Variants in CACNA1A observed in about 807,000 individuals in gnomAD.
CACNA1A encodes the protein voltage-dependent P/Q-type calcium channel subunit alpha-1A.
CACNA1A carries 57 observed loss-of-function variants against 262.4 expected under a neutral mutation model. The ratio of observed to expected loss-of-function variants is 0.22; its 90% CI spans 0.18 to 0.27. The LOEUF (loss-of-function observed/expected upper bound fraction) is 0.27. CACNA1A is among the 10% of genes least tolerant of loss of function. The pLI is 1.00. For synonymous variants in CACNA1A, 1,431 were observed against 1,419.3 expected, an observed-to-expected ratio of 1.01 and a Z score of -0.18; for missense variants, 2,526 against 3,562.8, an observed-to-expected ratio of 0.71 and a Z score of 7.41.
chr19:13,301,368 A>T (rs2057785398), intron 17 of CACNA1A, among the ~76,000 whole-genome samples: 1 of 152,110 alleles, frequency 6.6e-6, no homozygotes, highest in Admixed American at 6.6e-5. Context: ...AACTACCCTC[A>T]CACACAGAAG....
At chr19:13,402,916 A>G (rs1353038597) in intron 3 of CACNA1A, among the ~76,000 whole-genome samples, 1 of 124,854 alleles carries the variant, frequency 8.0e-6, no homozygotes, top group African/African-American at 3.0e-5. Flanking sequence ...ATATATATAT[A>G]CTTGCAAGTG....
At chr19:13,227,375 GA>G in intron 37 of CACNA1A, 55 bp downstream of exon 37, 3 of 772,952 alleles carry the variant, frequency 3.9e-6, no homozygotes, top group Non-Finnish European at 6.5e-6. Context: ...AAAAGAAGAA[GA>G]AGAAGAAAAA....
At chr19:13,297,461 G>A (rs1033152402) in intron 19 of CACNA1A, among the ~76,000 whole-genome samples, 13 of 152,108 alleles carry the variant, frequency 8.5e-5, no homozygotes, top group African/African-American at 2.9e-4. Context: ...ATTGCTTGAG[G>A]CCAGGAGTTG....
rs534302645 is a variant in CACNA1A, at chr19:13,373,055, A to G, written c.540-1276T>C. On this transcript the variant is annotated intron_variant, in intron 3 of 46. Transcript: ENST00000360228. ...CGTGGTCAAGGCACAATACAATAAA[A>G]GAGACTGTCATCAGAACTTCATATA... is the stretch of plus-strand genomic sequence containing the variant. Among the ~76,000 whole-genome samples, 11 of 152,376 alleles carry G rather than the reference A, an allele frequency of 7.2e-5. No individual in the cohort carries two copies. The South Asian group carries it at 2.3e-3, about 32-fold the overall frequency.
At chr19:13,408,320 C>T (rs10421150) in intron 3 of CACNA1A, among the ~76,000 whole-genome samples, 136 of 152,120 alleles carry the variant, frequency 8.9e-4, no homozygotes, top group African/African-American at 2.8e-3. Flanking sequence ...CAGTGAGCCA[C>T]GATCTTGCCA....
chr19:13,222,690 C>T (rs1047558600), intron 38 of CACNA1A, among the ~76,000 whole-genome samples: 9 of 151,000 alleles, frequency 6.0e-5, no homozygotes, highest in South Asian at 2.1e-4. Context: ...CCAGCGTGCC[C>T]GGCCTCAGCT....
chr19:13,210,864 C>A, intron 43 of CACNA1A: 1 of 622,124 alleles, frequency 1.6e-6, no homozygotes, highest in South Asian at 1.9e-5. Context: ...CGGGGCTGGG[C>A]GTCCTCTATT....
In CACNA1A at chr19:13,317,052, G is replaced by A. The variant is rs28542738; in HGVS notation, c.1555+60C>T. 6,885 of 1,103,922 alleles carry A rather than the reference G, an allele frequency of 6.2e-3. 287 individuals are homozygous for A. The African/African-American group carries it at 0.092, about 15-fold the overall frequency. 68.4% of individuals were successfully genotyped at this position (1,103,922 alleles called of 1,614,324 possible). On this transcript the variant is annotated intron_variant, in intron 11 of 46. Coordinates refer to ENST00000360228, the MANE Select transcript of CACNA1A (RefSeq NM_001127222.2). The stretch of plus-strand genomic sequence containing the variant: ...ACATACTACCAGAGAAAGAGAAGTG[G>A]AAAAAGGGTGTGAGGGAGGGATCAG...
At chr19:13,395,028 C>G (rs996627127) in intron 3 of CACNA1A, among the ~76,000 whole-genome samples, 4 of 152,130 alleles carry the variant, frequency 2.6e-5, no homozygotes, top group African/African-American at 7.2e-5. Flanking sequence ...AATCCCGGGA[C>G]TTTGGGAGGC....
At position 13,267,789 on chromosome 19, in the gene CACNA1A, C is replaced by CT. The variant is rs374270250; in HGVS notation, c.3990-4957dup. ...GAGACCCTGTCTCTCTCCTTCTCTC[C>CT]TTTTTTTTTGAGGCAGGGTCTCCCT... On this transcript the variant is annotated intron_variant, in intron 24 of 46. Coordinates refer to ENST00000360228, the MANE Select transcript of CACNA1A (RefSeq NM_001127222.2). Among the ~76,000 whole-genome samples, 1,149 of 150,676 alleles carry CT rather than the reference C, an allele frequency of 7.6e-3. 17 individuals are homozygous for CT. Among genetic ancestry groups the CT allele is most frequent in the African/African-American group, 0.026 (1,081 of 41,164 alleles).
At chr19:13,466,772 C>T (rs1041831383) in intron 1 of CACNA1A, among the ~76,000 whole-genome samples, 5 of 151,894 alleles carry the variant, frequency 3.3e-5, no homozygotes, top group Admixed American at 2.0e-4. Context: ...GAATAAATTC[C>T]GTGATGTGAA....
intron 3 of CACNA1A, among the ~76,000 whole-genome samples, chr19:13,402,803 T>C (rs929254556): frequency 8.1e-4 from 97 of 119,782 alleles, no homozygotes; most frequent in Middle Eastern, 4.1e-3. Context: ...TATACACACA[T>C]ATATATATAC....
intron 5 of CACNA1A, among the ~76,000 whole-genome samples, chr19:13,361,341 G>A (rs1034672073): frequency 6.6e-6 from 1 of 152,162 alleles, no homozygotes; most frequent in Non-Finnish European, 1.5e-5. Flanking sequence ...AACGCTAAAG[G>A]TCAGTCCAAA....
At chr19:13,298,133 CTTTT>C (rs3050873) in intron 19 of CACNA1A, among the ~76,000 whole-genome samples, 4 of 113,058 alleles carry the variant, frequency 3.5e-5, no homozygotes, top group African/African-American at 1.3e-4. Flanking sequence ...AAATACAGCA[CTTTT>C]TTTTTTTTTT....
chr19:13,276,750 T>A (rs1189431706), intron 23 of CACNA1A, among the ~76,000 whole-genome samples: 4 of 142,982 alleles, frequency 2.8e-5, no homozygotes, highest in African/African-American at 1.0e-4. Flanking sequence ...CAGGCTGGAA[T>A]GCAGTGGCAA....
At chr19:13,345,519 A>T (rs761370842) in intron 6 of CACNA1A, among the ~76,000 whole-genome samples, 1 of 152,218 alleles carries the variant, frequency 6.6e-6, no homozygotes, top group Non-Finnish European at 1.5e-5. Flanking sequence ...CTAATGGCTG[A>T]GTCCCAGCAA....
rs368180309 is a variant in CACNA1A, at chr19:13,212,221, G to A, written c.6190-5C>T. ...CATCTCTCGCATCTCCACGGACTGCGGAGCAGATGGCAAAGCCAGATGAGC... is the reference window on the plus strand; with the variant it reads ...CATCTCTCGCATCTCCACGGACTGCAGAGCAGATGGCAAAGCCAGATGAGC... On this transcript the variant is annotated splice_region_variant and splice_polypyrimidine_tract_variant and intron_variant, in intron 42 of 46. Transcript: ENST00000360228. The surrounding 1 kb of genome is among the most constrained non-coding windows in gnomAD (Gnocchi z 5.6). 34 of 1,612,558 alleles carry A rather than the reference G, an allele frequency of 2.1e-5. No individual in the cohort carries two copies. Among genetic ancestry groups the A allele is most frequent in the South Asian group, 1.8e-4 (16 of 91,004 alleles).
At position 13,298,645 on chromosome 19, in the gene CACNA1A, G is replaced by GGGGCCC. The variant is rs995883431; in HGVS notation, c.2982_2987dup (p.Gly995_Pro996dup). 2.0e-5 allele frequency: 31 copies of GGGGCCC among 1,519,518 alleles called. No individual in the cohort carries two copies. Among genetic ancestry groups the GGGGCCC allele is most frequent in the Non-Finnish European group, 2.6e-5 (29 of 1,133,642 alleles). The allele number at this position is 1,519,518 out of a possible 1,614,324, so 94.1% of individuals were successfully genotyped here. A position where few individuals can be genotyped will look rare whatever the true frequency, so the allele number is the denominator to read the frequency against. On this transcript the variant is annotated inframe_insertion, in exon 19 of 47. Transcript: ENST00000360228. The stretch of plus-strand genomic sequence containing the variant: ...GCCTTCTCCTGCGCTCGCCCCCGTC[G>GGGGCCC]GGGCCCTCGCCCTCGCCCTCGCCGC...
At chr19:13,248,122 A>T (rs560673308) in intron 30 of CACNA1A, among the ~76,000 whole-genome samples, 12 of 152,190 alleles carry the variant, frequency 7.9e-5, no homozygotes, top group African/African-American at 2.9e-4. Context: ...TGCATCCCAG[A>T]TAAATTCCTT....
Sources: gnomAD v4.1 joint callset for allele counts (sites outside exome capture counted in the v4.1 genomes callset) on GRCh38, gnomAD v4.1.1 for gene constraint, Gnocchi (gnomAD v3.1) non-coding constraint, MANE v1.5 for transcripts, NCBI Gene and HGNC (gene_info 2026-07-23, HGNC 2026-07-21) for gene names.